Variants in DSCAM observed in about 807,000 individuals in gnomAD.
The protein encoded by DSCAM is DS cell adhesion molecule.
In DSCAM, 47 loss-of-function variants were observed where a neutral mutation model predicts 217.7. The ratio of observed to expected loss-of-function variants is 0.22; its 90% CI spans 0.17 to 0.28. DSCAM has a LOEUF of 0.28. Ranked by LOEUF, DSCAM falls within the 10% of genes least tolerant of loss-of-function variation. The pLI is 1.00. For missense variants in DSCAM, 2,080 were observed against 2,618.3 expected, an observed-to-expected ratio of 0.79 and a Z score of 4.49; for synonymous variants, 1,056 against 1,015.3, an observed-to-expected ratio of 1.04 and a Z score of -0.76.
chr21:40,459,674 A>G (rs373577822), intron 3 of DSCAM, among the ~76,000 whole-genome samples: 4 of 152,198 alleles, frequency 2.6e-5, no homozygotes, highest in African/African-American at 9.7e-5. Context: ...ACAATATCCT[A>G]AAGAAAGCAA....
intron 3 of DSCAM, among the ~76,000 whole-genome samples, chr21:40,567,974 A>G (rs1321812049): frequency 1.3e-5 from 2 of 151,618 alleles, no homozygotes; most frequent in Non-Finnish European, 2.9e-5. Flanking sequence ...CTCTCATTCT[A>G]TTGCCCAGGC....
At chr21:40,307,970 T>G (rs2074097644) in intron 9 of DSCAM, among the ~76,000 whole-genome samples, 1 of 148,154 alleles carries the variant, frequency 6.7e-6, no homozygotes, top group Non-Finnish European at 1.5e-5. Context: ...CATTAGGAGA[T>G]ATACCTAATG....
intron 18 of DSCAM, among the ~76,000 whole-genome samples, chr21:40,134,787 C>A (rs1336046398): frequency 6.6e-6 from 1 of 152,114 alleles, no homozygotes; most frequent in African/African-American, 2.4e-5. Flanking sequence ...GTCAACTATA[C>A]CTTAATAAAG....
At chr21:40,128,046 A>G (rs2090114456) in intron 19 of DSCAM, among the ~76,000 whole-genome samples, 1 of 151,472 alleles carries the variant, frequency 6.6e-6, no homozygotes, top group Non-Finnish European at 1.5e-5. Context: ...GTCTTCCCTG[A>G]TCACCAGCTT....
In DSCAM at chr21:40,012,481, A is replaced by C. The variant is rs1195068853; in HGVS notation, c.*553T>G. ...TGCAAAGAGTGTCTCATTAAATTAA[A>C]AAAGAAACAAGAGAGAAAACCAAAT... is the stretch of plus-strand genomic sequence containing the variant. On this transcript the variant is annotated 3_prime_UTR_variant, in exon 33 of 33. Coordinates refer to ENST00000400454, the MANE Select transcript of DSCAM (RefSeq NM_001389.5). 2 of 152,240 alleles carry C rather than the reference A, an allele frequency of 1.3e-5. No individual in the cohort carries two copies. Among genetic ancestry groups the C allele is most frequent in the Non-Finnish European group, 2.9e-5 (2 of 68,046 alleles). 9.4% of individuals were successfully genotyped at this position (152,240 alleles called of 1,614,324 possible).
intron 32 of DSCAM, among the ~76,000 whole-genome samples, chr21:40,024,350 C>T (rs1300208297): frequency 7.5e-5 from 6 of 80,012 alleles, no homozygotes; most frequent in African/African-American, 2.7e-4. Flanking sequence ...CTTGGCAATG[C>T]GGGCTCTTTT....
At chr21:40,541,671 C>G (rs1267208747) in intron 3 of DSCAM, among the ~76,000 whole-genome samples, 2 of 151,814 alleles carry the variant, frequency 1.3e-5, no homozygotes, top group Non-Finnish European at 2.9e-5. Flanking sequence ...TATATAAGAC[C>G]TAAGGTCAAC....
intron 1 of DSCAM, among the ~76,000 whole-genome samples, chr21:40,720,829 G>A (rs1334022751): frequency 6.6e-6 from 1 of 152,166 alleles, no homozygotes; most frequent in Non-Finnish European, 1.5e-5. Context: ...CACTTGAGGG[G>A]ACTAAGGCTG....
intron 3 of DSCAM, among the ~76,000 whole-genome samples, chr21:40,689,341 C>T (rs2090515742): frequency 6.6e-6 from 1 of 152,234 alleles, no homozygotes; most frequent in African/African-American, 2.4e-5. Flanking sequence ...CTTTGCTGCT[C>T]CGACCTTCCC....
At chr21:40,225,537 T>C (rs1443655271) in intron 11 of DSCAM, among the ~76,000 whole-genome samples, 3 of 152,130 alleles carry the variant, frequency 2.0e-5, no homozygotes, top group Non-Finnish European at 4.4e-5. Context: ...TGACATCTTC[T>C]CCTCCACCCT....
At chr21:40,521,822 G>A (rs545572727) in intron 3 of DSCAM, among the ~76,000 whole-genome samples, 3 of 152,148 alleles carry the variant, frequency 2.0e-5, no homozygotes, top group East Asian at 3.9e-4. Context: ...AACAAGGTAC[G>A]CACATCTCAA....
intron 3 of DSCAM, among the ~76,000 whole-genome samples, chr21:40,528,592 C>T (rs567706620): frequency 6.6e-6 from 1 of 152,300 alleles, no homozygotes; most frequent in East Asian, 1.9e-4. Context: ...GCACCATAGT[C>T]TCATACTGTT....
rs144607980 is a variant in DSCAM at position 40,730,166 on chromosome 21, G to A, written c.44-21395C>T. Among the ~76,000 whole-genome samples, 522 of 152,232 alleles carry A rather than the reference G, an allele frequency of 3.4e-3. 7 individuals carry two copies. Among genetic ancestry groups the A allele is most frequent in the African/African-American group, 0.011 (469 of 41,544 alleles). On this transcript the variant is annotated intron_variant, in intron 1 of 32. Transcript: ENST00000400454. Reference sequence around the variant, plus strand: ...GTGTAATGGGCTCCGAAGAGCCTCCGGGGCGCAGGAGGTCATAAAATAGAG... The same window carrying A: ...GTGTAATGGGCTCCGAAGAGCCTCCAGGGCGCAGGAGGTCATAAAATAGAG...
intron 25 of DSCAM, among the ~76,000 whole-genome samples, chr21:40,079,769 G>C (rs1243867647): frequency 6.6e-6 from 1 of 151,526 alleles, no homozygotes; most frequent in Non-Finnish European, 1.5e-5. Context: ...TCTGAAAAGC[G>C]GTGGCTATGT....
At position 40,518,526 on chromosome 21, in the gene DSCAM, T is replaced by A. The variant is rs777361648; in HGVS notation, c.509-149281A>T. On this transcript the variant is annotated intron_variant, in intron 3 of 32. Coordinates refer to ENST00000400454, the MANE Select transcript of DSCAM (RefSeq NM_001389.5). ...ATATATATAATATATATAATATATA[T>A]TTTATATATATATATGTACACACAC... Among the ~76,000 whole-genome samples the A allele has an allele frequency of 9.3e-4, 39 of 42,024 alleles. 9 individuals are homozygous for A. The highest frequency in any genetic ancestry group is 6.3e-3 in the African/African-American group (37 of 5,898). The allele number at this position is 42,024 out of a possible 152,430, so 27.6% of individuals were successfully genotyped here. A position where few individuals can be genotyped will look rare whatever the true frequency, so the allele number is the denominator to read the frequency against.
At chr21:40,170,397 T>A (rs1374320662) in intron 15 of DSCAM, among the ~76,000 whole-genome samples, 2 of 152,222 alleles carry the variant, frequency 1.3e-5, no homozygotes, top group African/African-American at 4.8e-5. Flanking sequence ...GATGCTGAAA[T>A]GCTGAGCATG....
At chr21:40,136,639 G>A (rs1193736247) in intron 18 of DSCAM, among the ~76,000 whole-genome samples, 1 of 152,168 alleles carries the variant, frequency 6.6e-6, no homozygotes, top group Non-Finnish European at 1.5e-5. Flanking sequence ...GCTGAGGGGA[G>A]GGGCTGATCA....
At chr21:40,097,961 AGAAAGAAAGAAAGAAAGAAAGAAAG>A (rs1568939058) in intron 20 of DSCAM, among the ~76,000 whole-genome samples, 1,059 of 62,456 alleles carry the variant, frequency 0.017, 236 homozygotes, top group African/African-American at 0.09. Flanking sequence ...AAAAAAAGAA[AGAAAGAAAGAAAGAAAGAAAGAAAG>A]AAAGAAAGAA....
chr21:40,711,094 T>G (rs1405613994), intron 1 of DSCAM, among the ~76,000 whole-genome samples: 2 of 152,200 alleles, frequency 1.3e-5, no homozygotes, highest in African/African-American at 4.8e-5. Context: ...AGATTCAGTC[T>G]TTCTGATGAA....
Sources: gnomAD v4.1 joint callset for allele counts (sites outside exome capture counted in the v4.1 genomes callset) on GRCh38, gnomAD v4.1.1 for gene constraint, MANE v1.5 for transcripts, NCBI Gene and HGNC (gene_info 2026-07-23, HGNC 2026-07-21) for gene names.